EPG5: variants seen among roughly 807,000 people sequenced by gnomAD.
The protein encoded by EPG5 is ectopic P-granules 5 autophagy tethering factor, also known as ectopic P granules protein 5 homolog.
Under a neutral mutation model 302.7 loss-of-function variants are expected in EPG5, and 159 were observed. The ratio of observed to expected loss-of-function variants is 0.53; its 90% confidence interval spans 0.46 to 0.60. The LOEUF (loss-of-function observed/expected upper bound fraction) is 0.60. EPG5 is among the 20% of genes least tolerant of loss of function. EPG5 has a pLI of 0.00. For synonymous variants in EPG5, 1,158 were observed against 1,136.8 expected (o/e 1.02, Z -0.37); for missense variants, 2,896 against 3,092.4 (o/e 0.94, Z 1.51).
intron 36 of EPG5, among the ~76,000 whole-genome samples, chr18:45,868,524 A>G (rs754143972): frequency 6.7e-6 from 1 of 150,032 alleles, no homozygotes; most frequent in Non-Finnish European, 1.5e-5. Context: ...TTATTATTTT[A>G]TTGCTTATTT....
chr18:45,899,687 A>G, intron 26 of EPG5, 121 bp from the exon 27 acceptor site: 1 of 986,648 alleles, frequency 1.0e-6, no homozygotes, highest in Non-Finnish European at 1.5e-6. Context: ...AAACCATAGT[A>G]ACAGAGGACC....
intron 39 of EPG5, among the ~76,000 whole-genome samples, chr18:45,862,205 G>C (rs948591219): frequency 6.6e-6 from 1 of 151,982 alleles, no homozygotes; most frequent in African/African-American, 2.4e-5. Context: ...TATACAGTCA[G>C]ATTTCATTTA....
the EPG5 span, among the ~76,000 whole-genome samples, chr18:45,827,211 C>T: frequency 6.6e-5 from 10 of 152,314 alleles, no homozygotes; most frequent in Admixed American, 3.9e-4. Flanking sequence ...CCACCATGCC[C>T]GGCAGAGAAA....
At chr18:45,831,258 C>G in the EPG5 span, among the ~76,000 whole-genome samples, 15 of 152,208 alleles carry the variant, frequency 9.9e-5, no homozygotes, top group Admixed American at 9.8e-4. Context: ...TCTGGGTTCA[C>G]TCCTTCTCCA....
At chr18:45,876,029 C>T (rs1183099638) in intron 35 of EPG5, among the ~76,000 whole-genome samples, 3 of 151,424 alleles carry the variant, frequency 2.0e-5, no homozygotes, top group African/African-American at 7.3e-5. Context: ...TGCACTCCAG[C>T]CTGGGCGACA....
chr18:45,883,192 T>C (rs1232353509), intron 30 of EPG5, among the ~76,000 whole-genome samples: 1 of 152,260 alleles, frequency 6.6e-6, no homozygotes, highest in South Asian at 2.1e-4. Context: ...CAGAGTCTCA[T>C]ACATTTCTGT....
chr18:45,823,634 TA>T, the EPG5 span, among the ~76,000 whole-genome samples: 5 of 152,230 alleles, frequency 3.3e-5, no homozygotes, highest in Admixed American at 2.0e-4. Flanking sequence ...GTTCTTTTAT[TA>T]TTTTTTTATT....
chr18:45,843,373 T>C (rs2048341368), downstream of EPG5: 1 of 152,150 alleles, frequency 6.6e-6, no homozygotes, highest in South Asian at 2.1e-4. Context: ...CATGCCTGGG[T>C]CCCAGGTAAG....
At chr18:45,818,293 TAA>T in the EPG5 span, among the ~76,000 whole-genome samples, 2 of 152,152 alleles carry the variant, frequency 1.3e-5, no homozygotes, top group African/African-American at 2.4e-5. Context: ...TGGAAGATTT[TAA>T]TATGCATATT....
At chr18:45,915,714 T>C (rs1845075944) in intron 19 of EPG5, 93 bp from the exon 20 acceptor site, 1 of 936,794 alleles carries the variant, frequency 1.1e-6, no homozygotes, top group African/African-American at 1.6e-5. Flanking sequence ...CTTACTACAA[T>C]ACAAGATTCT....
the EPG5 span, among the ~76,000 whole-genome samples, chr18:45,800,642 C>T: frequency 6.6e-6 from 1 of 152,190 alleles, no homozygotes; most frequent in Non-Finnish European, 1.5e-5. Flanking sequence ...GGTGCCAGCT[C>T]TTGACGAATT....
At chr18:45,906,858 G>A (rs1466394308) in intron 24 of EPG5, among the ~76,000 whole-genome samples, 2 of 152,154 alleles carry the variant, frequency 1.3e-5, no homozygotes, top group Non-Finnish European at 2.9e-5. Context: ...GTTTTGCCAT[G>A]TTGGCCAGGC....
the EPG5 span, among the ~76,000 whole-genome samples, chr18:45,838,286 A>C: frequency 6.6e-6 from 1 of 152,154 alleles, no homozygotes; most frequent in Non-Finnish European, 1.5e-5. Context: ...CCAGGGGTGC[A>C]CAGACAGCCC....
chr18:45,840,151 C>A, the EPG5 span: 1 of 1,591,112 alleles, frequency 6.3e-7, no homozygotes, highest in Non-Finnish European at 8.6e-7. Context: ...TGGGGGTGGG[C>A]GCACAGGCTG....
chr18:45,923,410 C>T, intron 14 of EPG5, 23 bp from the exon 15 acceptor site: 2 of 1,605,994 alleles, frequency 1.2e-6, no homozygotes, highest in Non-Finnish European at 8.5e-7. Context: ...AAAATAATCA[C>T]AAACATACAA....
chr18:45,803,071 G>A, the EPG5 span, among the ~76,000 whole-genome samples: 1 of 152,166 alleles, frequency 6.6e-6, no homozygotes, highest in South Asian at 2.1e-4. Flanking sequence ...TAGATGGACT[G>A]GGCATTGTAA....
At chr18:45,910,196 C>T (rs796998588) in intron 23 of EPG5, among the ~76,000 whole-genome samples, 7 of 152,054 alleles carry the variant, frequency 4.6e-5, no homozygotes, top group African/African-American at 1.7e-4. Flanking sequence ...ACTATGTTGC[C>T]CAGGCTGTCT....
intron 6 of EPG5, among the ~76,000 whole-genome samples, chr18:45,947,445 T>C (rs2050808451): frequency 6.6e-6 from 1 of 151,980 alleles, no homozygotes; most frequent in South Asian, 2.1e-4. Context: ...GAGAGGCTTG[T>C]TTAGGGCCAA....
At chr18:45,900,413 A>G (rs1302277156) in intron 26 of EPG5, among the ~76,000 whole-genome samples, 2 of 151,732 alleles carry the variant, frequency 1.3e-5, no homozygotes, top group African/African-American at 2.4e-5. Flanking sequence ...TCAAAAAAAA[A>G]AAAAAAAAAG....
Sources: gnomAD v4.1 joint callset for allele counts (sites outside exome capture counted in the v4.1 genomes callset) on GRCh38, gnomAD v4.1.1 for gene constraint, MANE v1.5 for transcripts, NCBI Gene and HGNC (gene_info 2026-07-23, HGNC 2026-07-21) for gene names.